Variants in WWOX observed in about 807,000 individuals in gnomAD.
WWOX encodes the protein WW domain-containing oxidoreductase.
WWOX carries 69 observed loss-of-function variants against 46.2 expected under a neutral mutation model. The ratio of observed to expected loss-of-function variants is 1.49; its 90% CI spans 1.23 to 1.82. The LOEUF (loss-of-function observed/expected upper bound fraction) is 1.82. WWOX is among the 40% of genes most tolerant of loss of function. The pLI is 0.00. For missense variants in WWOX, 919 were observed against 542.6 expected (o/e 1.69, Z -6.89); for synonymous variants, 359 against 202.6 (o/e 1.77, Z -6.56).
chr16:78,229,485 T>G (rs1347901187), intron 5 of WWOX, among the ~76,000 whole-genome samples: 1 of 135,330 alleles, frequency 7.4e-6, no homozygotes, highest in Non-Finnish European at 1.5e-5. Flanking sequence ...TATGTATATC[T>G]GTATATATAT....
At chr16:78,993,174 T>C (rs1405013500) in intron 8 of WWOX, among the ~76,000 whole-genome samples, 1 of 152,046 alleles carries the variant, frequency 6.6e-6, no homozygotes, top group African/African-American at 2.4e-5. Flanking sequence ...AGATACTGAG[T>C]TAACTTGTAG....
chr16:78,587,613 C>G (rs958969571), intron 8 of WWOX, among the ~76,000 whole-genome samples: 4 of 152,068 alleles, frequency 2.6e-5, no homozygotes, highest in Admixed American at 6.6e-5. Context: ...ATGTCACTTT[C>G]TTTGGTGTTG....
At chr16:78,972,355 G>T (rs548108130) in intron 8 of WWOX, among the ~76,000 whole-genome samples, 1 of 152,226 alleles carries the variant, frequency 6.6e-6, no homozygotes, top group East Asian at 1.9e-4. Flanking sequence ...GAGCCGTGAA[G>T]TGAGCGCCGT....
chr16:78,485,303 C>T (rs1023943258), intron 8 of WWOX, among the ~76,000 whole-genome samples: 9 of 152,050 alleles, frequency 5.9e-5, no homozygotes, highest in Non-Finnish European at 1.3e-4. Flanking sequence ...TGAAAATGAT[C>T]TTTTGGGTGG....
intron 8 of WWOX, among the ~76,000 whole-genome samples, chr16:79,152,036 A>C (rs1271960277): frequency 1.3e-5 from 2 of 152,188 alleles, no homozygotes; most frequent in Non-Finnish European, 2.9e-5. Flanking sequence ...AGAAGTTGGG[A>C]ATCATAGAAG....
chr16:78,959,165 A>T (rs1237414105), intron 8 of WWOX, among the ~76,000 whole-genome samples: 1 of 152,226 alleles, frequency 6.6e-6, no homozygotes, highest in Non-Finnish European at 1.5e-5. Context: ...ATGAAAGTAA[A>T]ATATCAATGG....
intron 8 of WWOX, among the ~76,000 whole-genome samples, chr16:78,911,819 T>A (rs1015423482): frequency 2.0e-5 from 3 of 152,004 alleles, no homozygotes; most frequent in African/African-American, 7.2e-5. Context: ...GGAGCTGAGA[T>A]CACGCTGATG....
At chr16:78,716,317 G>A (rs1469337810) in intron 8 of WWOX, among the ~76,000 whole-genome samples, 1 of 152,074 alleles carries the variant, frequency 6.6e-6, no homozygotes, top group Non-Finnish European at 1.5e-5. Flanking sequence ...GCCTTTGGAG[G>A]GAATGTGGCC....
At chr16:78,815,056 G>C (rs1385146896) in intron 8 of WWOX, among the ~76,000 whole-genome samples, 1 of 152,214 alleles carries the variant, frequency 6.6e-6, no homozygotes, top group East Asian at 1.9e-4. Flanking sequence ...CGGGCACAGT[G>C]GCTCACGCCT....
chr16:79,138,835 G>C (rs1413996759), intron 8 of WWOX, among the ~76,000 whole-genome samples: 1 of 152,228 alleles, frequency 6.6e-6, no homozygotes, highest in African/African-American at 2.4e-5. Context: ...AGATGTGGCA[G>C]GGTGAGGGAA....
intron 8 of WWOX, among the ~76,000 whole-genome samples, chr16:78,670,673 A>G (rs1423508786): frequency 6.6e-6 from 1 of 152,116 alleles, no homozygotes; most frequent in Non-Finnish European, 1.5e-5. Flanking sequence ...TTTAATTAAA[A>G]AAAAATTTTT....
At chr16:79,040,301 G>A (rs1309261885) in intron 8 of WWOX, among the ~76,000 whole-genome samples, 1 of 147,354 alleles carries the variant, frequency 6.8e-6, no homozygotes, top group South Asian at 2.2e-4. Flanking sequence ...TTGAGACAAG[G>A]TCTCATTCTG....
chr16:78,914,191 G>A (rs1367484740), intron 8 of WWOX, among the ~76,000 whole-genome samples: 2 of 151,920 alleles, frequency 1.3e-5, no homozygotes, highest in Non-Finnish European at 2.9e-5. Context: ...TTATTTCTCT[G>A]TCTAGCACTT....
intron 5 of WWOX, among the ~76,000 whole-genome samples, chr16:78,267,790 G>A (rs1285203555): frequency 6.6e-6 from 1 of 152,248 alleles, no homozygotes; most frequent in South Asian, 2.1e-4. Context: ...TTGATTGTGA[G>A]GCAGGGTCTC....
At chr16:78,321,774 C>A (rs2080488201) in intron 5 of WWOX, among the ~76,000 whole-genome samples, 1 of 152,150 alleles carries the variant, frequency 6.6e-6, no homozygotes, top group Non-Finnish European at 1.5e-5. Flanking sequence ...ACAGGCCCTC[C>A]CTGTCAGTGG....
chr16:78,373,421 C>A (rs111626579), intron 5 of WWOX, among the ~76,000 whole-genome samples: 5 of 152,136 alleles, frequency 3.3e-5, no homozygotes, highest in African/African-American at 1.2e-4. Context: ...ATGGGGAACC[C>A]AATTCATATG....
chr16:78,994,615 C>G (rs1005208767), intron 8 of WWOX, among the ~76,000 whole-genome samples: 1 of 152,114 alleles, frequency 6.6e-6, no homozygotes, highest in East Asian at 1.9e-4. Flanking sequence ...CGCAAACTCC[C>G]AAACCAGAAT....
At chr16:78,908,888 A>T (rs1265750056) in intron 8 of WWOX, among the ~76,000 whole-genome samples, 2 of 152,192 alleles carry the variant, frequency 1.3e-5, no homozygotes, top group East Asian at 3.9e-4. Context: ...CCCCTGGAGC[A>T]ATTTGGGGAG....
At chr16:78,575,434 G>C (rs2044853593) in intron 8 of WWOX, among the ~76,000 whole-genome samples, 1 of 151,780 alleles carries the variant, frequency 6.6e-6, no homozygotes, top group African/African-American at 2.4e-5. Context: ...CTACCCATTA[G>C]TCTATAAAAC....
Sources: allele counts gnomAD v4.1 joint callset (sites outside exome capture counted in the v4.1 genomes callset), GRCh38; gene constraint gnomAD v4.1.1; transcripts MANE v1.5; gene names NCBI Gene and HGNC (gene_info 2026-07-23, HGNC 2026-07-21).